The following RIC1 variants were observed in gnomAD, a reference collection of about 807,000 sequenced individuals.
RIC1 encodes guanine nucleotide exchange factor subunit RIC1.
Under a neutral mutation model 169.0 loss-of-function variants are expected in RIC1, and 88 were observed. That is an observed-to-expected ratio of 0.52 (90% CI 0.44 to 0.62). The LOEUF (loss-of-function observed/expected upper bound fraction) is 0.62. Ranked by LOEUF, RIC1 falls within the 20% of genes least tolerant of loss-of-function variation. The probability of loss-of-function intolerance (pLI) is 0.00; values close to 1 mark genes in which losing one functional copy is unlikely to be tolerated. For missense variants in RIC1, 1,877 were observed against 1,725.5 expected, an observed-to-expected ratio of 1.09 and a Z score of -1.56; for synonymous variants, 790 against 601.5, an observed-to-expected ratio of 1.31 and a Z score of -4.59.
chr9:5,650,527 C>T lies in RIC1; in HGVS notation c.145-6056C>T, dbSNP rs555033279. The stretch of plus-strand genomic sequence containing the variant: ...CTACTAGAGGGGATAGGGTTGGTGT[C>T]GGTGTCAGTAGCCTCACACCAGAGG... On this transcript the variant is annotated intron_variant, in intron 1 of 25. Coordinates refer to ENST00000414202, the MANE Select transcript of RIC1 (RefSeq NM_020829.4). 9.2e-5 allele frequency among the ~76,000 whole-genome samples: 14 copies of T among 151,982 alleles called. No individual in the cohort carries two copies. The East Asian group carries it at 2.7e-3, about 29-fold the overall frequency.
At chr9:5,740,436 C>T (rs916709493) in intron 8 of RIC1, among the ~76,000 whole-genome samples, 1 of 151,808 alleles carries the variant, frequency 6.6e-6, no homozygotes, top group Non-Finnish European at 1.5e-5. Flanking sequence ...GTAAGGTTCT[C>T]TAGGGGACAG....
At chr9:5,739,112 A>C (rs994114745) in intron 8 of RIC1, among the ~76,000 whole-genome samples, 11 of 152,090 alleles carry the variant, frequency 7.2e-5, no homozygotes. Context: ...GCATCAGTCA[A>C]GGGTATATCT....
Position 5,762,548 on chromosome 9 carries a change from G to A in RIC1, c.2000G>A (p.Gly667Asp). Reference protein sequence around the residue: ...ITLKMPQQARGAESIMLNLAG... With the variant: ...ITLKMPQQARDAESIMLNLAG... The stretch of plus-strand genomic sequence containing the variant: ...CTTTTTCTTAAATTTCAGGCTCGTG[G>A]TGCAGAGAGCATTATGTTAAACCTG... The change falls in exon 18 of 26, where the codon GGT (glycine) becomes GAT (aspartate). Residue 667 changes from glycine to aspartate, a missense_variant. This residue lies in a region of RIC1 where 1,104 missense variants were observed against 992.0 expected (regional missense o/e 1.11). Coordinates refer to ENST00000414202, the MANE Select transcript of RIC1 (RefSeq NM_020829.4). 2 of 1,613,808 alleles carry A rather than the reference G, an allele frequency of 1.2e-6. No homozygotes were observed. The highest frequency in any genetic ancestry group is 1.7e-6 in the Non-Finnish European group (2 of 1,179,866).
chr9:5,708,541 C>G (rs1466916609), intron 3 of RIC1, among the ~76,000 whole-genome samples: 1 of 152,014 alleles, frequency 6.6e-6, no homozygotes, highest in Non-Finnish European at 1.5e-5. Flanking sequence ...GATAATTTTT[C>G]TAGATATTTC....
chr9:5,695,561 A>G (rs367662180), intron 3 of RIC1, among the ~76,000 whole-genome samples: 7 of 144,894 alleles, frequency 4.8e-5, no homozygotes, highest in African/African-American at 1.5e-4. Flanking sequence ...CTCCTGGATT[A>G]TTATTATATC....
chr9:5,692,027 G>C (rs1821617642), intron 3 of RIC1, among the ~76,000 whole-genome samples: 1 of 152,058 alleles, frequency 6.6e-6, no homozygotes, highest in Admixed American at 6.6e-5. Context: ...GACAATGCGT[G>C]AACTTTGCTG....
intron 1 of RIC1, among the ~76,000 whole-genome samples, chr9:5,637,964 G>A (rs963490717): frequency 3.3e-5 from 5 of 152,166 alleles, no homozygotes; most frequent in Admixed American, 2.6e-4. Context: ...TACATACTCA[G>A]TATGATACTA....
At chr9:5,717,502 C>G (rs1219895405) in intron 4 of RIC1, among the ~76,000 whole-genome samples, 3 of 152,032 alleles carry the variant, frequency 2.0e-5, no homozygotes, top group Non-Finnish European at 4.4e-5. Flanking sequence ...CTGACCAATC[C>G]GGGAGAACAG....
At chr9:5,718,552 C>T (rs866432259) in intron 4 of RIC1, among the ~76,000 whole-genome samples, 2 of 152,180 alleles carry the variant, frequency 1.3e-5, no homozygotes, top group African/African-American at 4.8e-5. Flanking sequence ...TATTGTGTGA[C>T]TCAGGCCCCA....
rs1823081390 is a variant in RIC1 at position 5,713,888 on chromosome 9, T to A, written c.333-8T>A. On this transcript the variant is annotated splice_region_variant and splice_polypyrimidine_tract_variant and intron_variant, in intron 3 of 25. Transcript: ENST00000414202. ...CATCTTTCTTTAACTCTATGCTGTT[T>A]GTTTTAGAGGAAGTCCACAAATGAA... 6.2e-7 allele frequency: 1 copy of A among 1,601,052 alleles called. No homozygotes were observed. The highest frequency in any genetic ancestry group is 1.3e-5 in the African/African-American group (1 of 74,668).
intron 6 of RIC1, among the ~76,000 whole-genome samples, chr9:5,725,439 C>G (rs1198916136): frequency 1.3e-5 from 2 of 152,000 alleles, no homozygotes; most frequent in Non-Finnish European, 2.9e-5. Context: ...CTACTTGATT[C>G]TTCTCTCTTT....
chr9:5,684,000 A>G (rs1050829268), intron 2 of RIC1, among the ~76,000 whole-genome samples: 5 of 152,146 alleles, frequency 3.3e-5, no homozygotes, highest in Non-Finnish European at 5.9e-5. Context: ...GGAAGAGCAC[A>G]GTATTAGGGT....
chr9:5,770,321 A>T (rs1827122043), intron 23 of RIC1, 43 bp downstream of exon 23: 1 of 1,519,804 alleles, frequency 6.6e-7, no homozygotes. Flanking sequence ...TCCTTTGAAG[A>T]AAATTTATGT....
chr9:5,692,928 C>T (rs1821670739), intron 3 of RIC1, among the ~76,000 whole-genome samples: 1 of 152,028 alleles, frequency 6.6e-6, no homozygotes. Context: ...AACTGCTGCA[C>T]AGAGAGGCAG....
chr9:5,680,999 T>G (rs1450782133), intron 2 of RIC1, among the ~76,000 whole-genome samples: 1 of 150,800 alleles, frequency 6.6e-6, no homozygotes, highest in African/African-American at 2.4e-5. Flanking sequence ...GCTAATTTTT[T>G]GTATTTTTAG....
At chr9:5,750,342 T>G (rs1245385899) in intron 12 of RIC1, among the ~76,000 whole-genome samples, 2 of 152,026 alleles carry the variant, frequency 1.3e-5, no homozygotes, top group East Asian at 3.9e-4. Context: ...GGTTTGATGG[T>G]TAGCTTGGCT....
chr9:5,753,486 T>TA (rs1825837413), intron 13 of RIC1, 50 bp from the exon 14 acceptor site: 1 of 1,137,792 alleles, frequency 8.8e-7, no homozygotes. Context: ...TTATGCCTAA[T>TA]AAAGTATATA....
intron 14 of RIC1, 111 bp downstream of exon 14, chr9:5,753,757 G>A: frequency 1.5e-5 from 7 of 474,878 alleles, no homozygotes; most frequent in East Asian, 3.2e-5. Flanking sequence ...TTAAAAATAA[G>A]GAAAATCAGA....
At chr9:5,732,579 G>A (rs1271358580) in intron 7 of RIC1, 100 bp downstream of exon 7, 2 of 631,416 alleles carry the variant, frequency 3.2e-6, no homozygotes, top group Non-Finnish European at 5.4e-6. Context: ...CTTATAAACT[G>A]CATCATGCTA....
Sources: allele counts gnomAD v4.1 joint callset (sites outside exome capture counted in the v4.1 genomes callset), GRCh38; gene constraint gnomAD v4.1.1; regional missense constraint gnomAD v4.1.1; transcripts MANE v1.5; gene names NCBI Gene and HGNC (gene_info 2026-07-23, HGNC 2026-07-21).